Variants in PARD3B observed in about 807,000 individuals in gnomAD.
PARD3B encodes partitioning defective 3 homolog B.
In PARD3B, 103 loss-of-function variants were observed where a neutral mutation model predicts 130.2. The ratio of observed to expected loss-of-function variants is 0.79; its 90% CI spans 0.67 to 0.93. The LOEUF is 0.93. Among genes scored for constraint, PARD3B ranks in the 40% least tolerant of loss-of-function variants. PARD3B has a pLI of 0.00. For missense variants in PARD3B, 1,609 were observed against 1,499.2 expected (o/e 1.07, Z -1.21); for synonymous variants, 583 against 553.2 (o/e 1.05, Z -0.76).
intron 4 of PARD3B, among the ~76,000 whole-genome samples, chr2:205,069,287 C>T (rs1335608115): frequency 6.6e-6 from 1 of 151,904 alleles, no homozygotes; most frequent in African/African-American, 2.4e-5. Context: ...TTTTCTGGTG[C>T]ATTTTTCTAT....
At chr2:205,464,396 A>G (rs991930396) in intron 20 of PARD3B, among the ~76,000 whole-genome samples, 1 of 152,148 alleles carries the variant, frequency 6.6e-6, no homozygotes, top group Non-Finnish European at 1.5e-5. Flanking sequence ...CTTCTCTCGT[A>G]GACTGGGTAT....
At chr2:204,860,433 C>T (rs972888158) in intron 2 of PARD3B, among the ~76,000 whole-genome samples, 4 of 152,232 alleles carry the variant, frequency 2.6e-5, no homozygotes, top group South Asian at 4.1e-4. Flanking sequence ...CAGATGGTAC[C>T]GCAGGATGGA....
intron 2 of PARD3B, among the ~76,000 whole-genome samples, chr2:204,700,838 T>G (rs1393102387): frequency 1.3e-5 from 2 of 152,112 alleles, no homozygotes; most frequent in African/African-American, 4.8e-5. Context: ...TTTTGTTTGT[T>G]TTTTCCTTTG....
intron 22 of PARD3B, among the ~76,000 whole-genome samples, chr2:205,612,962 G>A (rs2055289601): frequency 6.6e-6 from 1 of 152,108 alleles, no homozygotes; most frequent in South Asian, 2.1e-4. Context: ...CGACTGTACT[G>A]TCACAACCTC....
At chr2:205,304,355 G>T (rs555737704) in intron 18 of PARD3B, among the ~76,000 whole-genome samples, 3 of 152,086 alleles carry the variant, frequency 2.0e-5, no homozygotes, top group Non-Finnish European at 4.4e-5. Flanking sequence ...CAAAATTTTG[G>T]CCAGGCATAG....
At chr2:204,771,235 A>C (rs191501210) in intron 2 of PARD3B, among the ~76,000 whole-genome samples, 1 of 151,422 alleles carries the variant, frequency 6.6e-6, no homozygotes, top group South Asian at 2.1e-4. Flanking sequence ...TTTTGTCTTG[A>C]GTTCCTCAGT....
chr2:204,647,208 G>A (rs2035304108), intron 1 of PARD3B, among the ~76,000 whole-genome samples: 1 of 151,856 alleles, frequency 6.6e-6, no homozygotes, highest in Admixed American at 6.6e-5. Context: ...AACCAATAAG[G>A]TTGAGTTCCT....
Position 204,837,325 on chromosome 2 carries a change from A to G in PARD3B, c.223-127827A>G, listed in dbSNP as rs1575104361. Among the ~76,000 whole-genome samples the G allele has an allele frequency of 2.0e-5, 3 of 152,206 alleles. No individual in the cohort carries two copies. In the South Asian group the frequency reaches 6.2e-4, roughly 32 times the overall value. On this transcript the variant is annotated intron_variant, in intron 2 of 22. Coordinates refer to ENST00000406610, the MANE Select transcript of PARD3B (RefSeq NM_001302769.2). ...GGACATGTTAGAAATTAATGCATTT[A>G]GTTTACCATTTTTAAATAACTGAGT...
At chr2:205,270,218 A>T (rs948577227) in intron 16 of PARD3B, among the ~76,000 whole-genome samples, 1 of 152,188 alleles carries the variant, frequency 6.6e-6, no homozygotes, top group African/African-American at 2.4e-5. Flanking sequence ...GACTAAATTA[A>T]TTCATAATAC....
At chr2:205,250,401 G>T (rs1012011752) in intron 16 of PARD3B, among the ~76,000 whole-genome samples, 1 of 152,026 alleles carries the variant, frequency 6.6e-6, no homozygotes, top group African/African-American at 2.4e-5. Context: ...AAAAAGCTTG[G>T]CTATTCCTGT....
At chr2:205,066,134 G>C (rs990002404) in intron 4 of PARD3B, among the ~76,000 whole-genome samples, 1 of 152,056 alleles carries the variant, frequency 6.6e-6, no homozygotes, top group African/African-American at 2.4e-5. Context: ...TTCACCAAAC[G>C]TAAGAACAGA....
intron 18 of PARD3B, among the ~76,000 whole-genome samples, chr2:205,398,937 G>T (rs2046136668): frequency 6.6e-6 from 1 of 152,134 alleles, no homozygotes; most frequent in Non-Finnish European, 1.5e-5. Context: ...GGGCAGGGTT[G>T]GGGGTATGAA....
At chr2:204,680,174 C>T (rs907189600) in intron 1 of PARD3B, among the ~76,000 whole-genome samples, 6 of 151,846 alleles carry the variant, frequency 4.0e-5, no homozygotes, top group Non-Finnish European at 8.8e-5. Context: ...GAAGATTTTA[C>T]CTGTGATGTC....
chr2:204,556,505 C>A (rs908604275), intron 1 of PARD3B, among the ~76,000 whole-genome samples: 1 of 152,062 alleles, frequency 6.6e-6, no homozygotes, highest in African/African-American at 2.4e-5. Context: ...AGAGAAGACA[C>A]TAAAGCCGTT....
At chr2:205,431,694 C>T (rs561225265) in intron 19 of PARD3B, among the ~76,000 whole-genome samples, 2 of 152,192 alleles carry the variant, frequency 1.3e-5, no homozygotes, top group East Asian at 1.9e-4. Context: ...TGGTCTCGAT[C>T]TCCTGACCTC....
At chr2:205,327,103 A>G (rs1393788252) in intron 18 of PARD3B, among the ~76,000 whole-genome samples, 1 of 152,176 alleles carries the variant, frequency 6.6e-6, no homozygotes, top group Admixed American at 6.5e-5. Flanking sequence ...AATTTTATTT[A>G]AAGATCTTCA....
rs2054296174 is a variant in PARD3B at position 205,589,121 on chromosome 2, C to A, written c.3261-26335C>A. Among the ~76,000 whole-genome samples, 1 of 152,160 alleles carries A rather than the reference C, an allele frequency of 6.6e-6. No individual in the cohort carries two copies. Among genetic ancestry groups the A allele is most frequent in the Non-Finnish European group, 1.5e-5 (1 of 68,028 alleles). On this transcript the variant is annotated intron_variant, in intron 22 of 22. Transcript: ENST00000406610. This position sits in a 1 kb window ranked among gnomAD's most constrained non-coding sequence, Gnocchi z 4.1. ...TGGGTAACATGGCAAAACCCCATTTCTACAAAAAATACAGATATTAACTGA... is the reference window on the plus strand; with the variant it reads ...TGGGTAACATGGCAAAACCCCATTTATACAAAAAATACAGATATTAACTGA...
chr2:205,093,942 C>A (rs988371090), intron 4 of PARD3B, among the ~76,000 whole-genome samples: 1 of 152,168 alleles, frequency 6.6e-6, no homozygotes, highest in East Asian at 1.9e-4. Context: ...CCCATGACTA[C>A]AGCTGCTCTC....
chr2:204,599,344 C>A (rs1190626038), intron 1 of PARD3B, among the ~76,000 whole-genome samples: 2 of 151,888 alleles, frequency 1.3e-5, no homozygotes, highest in Non-Finnish European at 2.9e-5. Context: ...CTCTTTTCCC[C>A]CTACCTATCC....
Sources: gnomAD v4.1 joint callset for allele counts (sites outside exome capture counted in the v4.1 genomes callset) on GRCh38, gnomAD v4.1.1 for gene constraint, Gnocchi (gnomAD v3.1) non-coding constraint, MANE v1.5 for transcripts, NCBI Gene and HGNC (gene_info 2026-07-23, HGNC 2026-07-21) for gene names.